Variants in OXNAD1 observed in about 807,000 individuals in gnomAD.
The protein encoded by OXNAD1 is oxidoreductase NAD binding domain containing 1.
In OXNAD1, 34 loss-of-function variants were observed where a neutral mutation model predicts 32.9. The observed-to-expected ratio is 1.03, with a 90% CI of 0.79 to 1.38. The LOEUF is 1.38. OXNAD1 is among the 40% of genes most tolerant of loss of function. The probability of loss-of-function intolerance (pLI) is 0.00; values close to 1 mark genes in which losing one functional copy is unlikely to be tolerated. For missense variants in OXNAD1, 407 were observed against 379.4 expected (o/e 1.07, Z -0.60); for synonymous variants, 134 against 135.2 (o/e 0.99, Z 0.06).
chr3:16,281,527 G>A (rs1469225942), intron 4 of OXNAD1, among the ~76,000 whole-genome samples: 1 of 152,132 alleles, frequency 6.6e-6, no homozygotes, highest in Non-Finnish European at 1.5e-5. Flanking sequence ...AAAAAAAATT[G>A]AAATCCTAAA....
rs1007303605 is a variant in OXNAD1 at position 16,289,869 on chromosome 3, T to C, written c.290+3421T>C. On this transcript the variant is annotated intron_variant, in intron 5 of 8. Transcript: ENST00000285083. The surrounding 1 kb of genome is among the most constrained non-coding windows in gnomAD (Gnocchi z 4.9). ...TTTTATCATTGCCCATTTAATTGTA[T>C]GTATTTGTTAATTTTCCTCCTCTTA... is the stretch of plus-strand genomic sequence containing the variant. Among the ~76,000 whole-genome samples the C allele has an allele frequency of 1.5e-4, 23 of 152,220 alleles. No homozygotes were observed. Among genetic ancestry groups the C allele is most frequent in the African/African-American group, 5.5e-4 (23 of 41,454 alleles).
chr3:16,337,389 A>G (rs556043343), downstream of OXNAD1: 5 of 152,326 alleles, frequency 3.3e-5, no homozygotes, highest in South Asian at 2.1e-4. This position sits in a 1 kb window ranked among gnomAD's most constrained non-coding sequence, Gnocchi z 5.0. Flanking sequence ...TATTATTACT[A>G]TTATTCTAAG....
At chr3:16,331,045 G>C (rs925109912) in intron 9 of OXNAD1, among the ~76,000 whole-genome samples, 1 of 152,202 alleles carries the variant, frequency 6.6e-6, no homozygotes, top group African/African-American at 2.4e-5. Context: ...AAAGGAATTT[G>C]ATTTCCCTTG....
chr3:16,269,355 G>T (rs1446667734), intron 2 of OXNAD1, 80 bp downstream of exon 2: 40 of 1,453,152 alleles, frequency 2.8e-5, no homozygotes, highest in Admixed American at 8.3e-5. Context: ...ACTACGTTTA[G>T]TGGTCTTGAA....
intron 9 of OXNAD1, chr3:16,313,474 G>A (rs1359343118): frequency 6.6e-6 from 1 of 152,080 alleles, no homozygotes; most frequent in Non-Finnish European, 1.5e-5. Context: ...GAGAAGCTGG[G>A]GAGTAGAGGA....
intron 4 of OXNAD1, chr3:16,276,610 C>G (rs193213715): frequency 6.2e-6 from 1 of 160,970 alleles, no homozygotes; most frequent in Admixed American, 6.6e-5. Flanking sequence ...TTTTTTTGTT[C>G]CTGGCGATTT....
intron 5 of OXNAD1, among the ~76,000 whole-genome samples, chr3:16,294,202 CTT>C (rs200164799): frequency 2.1e-5 from 3 of 144,170 alleles, no homozygotes; most frequent in Admixed American, 6.9e-5. Flanking sequence ...CTGAGCCTTT[CTT>C]TTTTTTTTTT....
At chr3:16,286,956 A>G (rs1485413486) in intron 5 of OXNAD1, among the ~76,000 whole-genome samples, 5 of 152,086 alleles carry the variant, frequency 3.3e-5, no homozygotes, top group African/African-American at 1.2e-4. Flanking sequence ...TATGTACCTT[A>G]TTTGGGTTGA....
Position 16,312,889 on chromosome 3 carries a change from T to TA in OXNAD1, c.*30+9297_*30+9298insA, listed in dbSNP as rs1264765315. 6.6e-6 allele frequency among the ~76,000 whole-genome samples: 1 copy of TA among 152,242 alleles called. No homozygotes were observed. The highest frequency in any genetic ancestry group is 6.5e-5 in the Admixed American group (1 of 15,284). ...CAGGCATTTGACTAATGTTTACCTT[T>TA]TTGTTACTTATAAACCATTGATAAA... On this transcript the variant is annotated intron_variant, in intron 9 of 9. Transcript: ENST00000435829. The surrounding 1 kb of genome is among the most constrained non-coding windows in gnomAD (Gnocchi z 4.7).
At chr3:16,318,115 G>T (rs1273522829) in intron 9 of OXNAD1, among the ~76,000 whole-genome samples, 1 of 152,114 alleles carries the variant, frequency 6.6e-6, no homozygotes, top group Admixed American at 6.6e-5. Flanking sequence ...CAGTAATAGA[G>T]TTGGGCAACA....
At position 16,304,418 on chromosome 3, in the gene OXNAD1, T is replaced by C. The variant is rs1263536037; in HGVS notation, c.*856T>C. ...TTATTTCACTCATTTGCCAGAATTGTTCTTGGCACCAGCAGCTCCTTAACA... is the reference window on the plus strand; with the variant it reads ...TTATTTCACTCATTTGCCAGAATTGCTCTTGGCACCAGCAGCTCCTTAACA... On this transcript the variant is annotated 3_prime_UTR_variant, in exon 9 of 9. Coordinates refer to ENST00000285083, the MANE Select transcript of OXNAD1 (RefSeq NM_138381.5). The surrounding 1 kb of genome is among the most constrained non-coding windows in gnomAD (Gnocchi z 4.6). 6.6e-6 allele frequency: 1 copy of C among 152,236 alleles called. No individual in the cohort carries two copies. Among genetic ancestry groups the C allele is most frequent in the African/African-American group, 2.4e-5 (1 of 41,450 alleles). The allele number at this position is 152,236 out of a possible 1,614,324, so 9.4% of individuals were successfully genotyped here. A position where few individuals can be genotyped will look rare whatever the true frequency, so the allele number is the denominator to read the frequency against.
Position 16,303,477 on chromosome 3 carries a change from C to A in OXNAD1, c.854C>A (p.Pro285Gln). 2 of 1,614,012 alleles carry A rather than the reference C, an allele frequency of 1.2e-6. No homozygotes were observed. The highest frequency in any genetic ancestry group is 1.7e-6 in the Non-Finnish European group (2 of 1,179,948). The change falls in exon 9 of 9, where the codon CCA becomes CAA. Residue 285 changes from proline to glutamine, a missense_variant. Physicochemically the swap from Pro to Gln is moderately conservative, Grantham distance 76 (BLOSUM62 -1). Transcript: ENST00000285083. The surrounding 1 kb of genome is among the most constrained non-coding windows in gnomAD (Gnocchi z 4.8). Reference protein sequence around the residue: ...SKETLFYICGPPPMTDFFSKQ... With the variant: ...SKETLFYICGQPPMTDFFSKQ... ...GAGACTTTGTTCTATATTTGTGGCC[C>A]ACCTCCAATGACAGACTTTTTCTCC...
At position 16,345,596 on chromosome 3, in the gene OXNAD1, C is replaced by T. The variant is rs535338162; in HGVS notation, c.*31-3580C>T. The stretch of plus-strand genomic sequence containing the variant: ...CACCGCCTGACTGCTTGAACAGGAA[C>T]GTCCATCTTCTGCCCTTGTTGCTCC... On this transcript the variant is annotated intron_variant, in intron 9 of 9. Coordinates refer to the OXNAD1 transcript ENST00000606098. This position sits in a 1 kb window ranked among gnomAD's most constrained non-coding sequence, Gnocchi z 5.2. 2.0e-5 allele frequency among the ~76,000 whole-genome samples: 3 copies of T among 152,182 alleles called. No individual in the cohort carries two copies. Among genetic ancestry groups the T allele is most frequent in the Non-Finnish European group, 4.4e-5 (3 of 67,992 alleles).
rs961745012 is a variant in OXNAD1, at chr3:16,288,837, A to G, written c.290+2389A>G. ...GCTTGGCACTCACTCTTGGGTCTGGAGCATGCCACCACTGGTCCTCACACA... is the reference window on the plus strand; with the variant it reads ...GCTTGGCACTCACTCTTGGGTCTGGGGCATGCCACCACTGGTCCTCACACA... On this transcript the variant is annotated intron_variant, in intron 5 of 8. Coordinates refer to ENST00000285083, the MANE Select transcript of OXNAD1 (RefSeq NM_138381.5). This position sits in a 1 kb window ranked among gnomAD's most constrained non-coding sequence, Gnocchi z 5.1. Among the ~76,000 whole-genome samples the G allele has an allele frequency of 6.6e-6, 1 of 152,120 alleles. No individual in the cohort carries two copies. Among genetic ancestry groups the G allele is most frequent in the African/African-American group, 2.4e-5 (1 of 41,416 alleles).
At chr3:16,281,639 T>C (rs1473665478) in intron 4 of OXNAD1, among the ~76,000 whole-genome samples, 2 of 152,234 alleles carry the variant, frequency 1.3e-5, no homozygotes, top group Non-Finnish European at 2.9e-5. Context: ...ATAGAAAGTA[T>C]AGCTTGTTTC....
chr3:16,319,638 T>TG (rs1401234885), intron 9 of OXNAD1, among the ~76,000 whole-genome samples: 4 of 152,212 alleles, frequency 2.6e-5, no homozygotes, highest in African/African-American at 9.6e-5. Context: ...CTTCCATAGT[T>TG]TCCCCTGGAT....
chr3:16,286,294 GT>G, intron 4 of OXNAD1, 47 bp from the exon 5 acceptor site: 1 of 1,416,616 alleles, frequency 7.1e-7, no homozygotes, highest in South Asian at 1.2e-5. Context: ...TTTGTCCCTT[GT>G]GCTGTGTACG....
At chr3:16,331,094 A>G (rs2070260730) in intron 9 of OXNAD1, among the ~76,000 whole-genome samples, 1 of 152,252 alleles carries the variant, frequency 6.6e-6, no homozygotes, top group Non-Finnish European at 1.5e-5. Context: ...GGTGTTCTCC[A>G]TACCTGAGAA....
At chr3:16,268,725 G>A (rs1415569699) in intron 1 of OXNAD1, among the ~76,000 whole-genome samples, 3 of 152,092 alleles carry the variant, frequency 2.0e-5, no homozygotes, top group Non-Finnish European at 4.4e-5. Flanking sequence ...CCTATTGTGA[G>A]GACAACTTAT....
Sources: gnomAD v4.1 joint callset for allele counts (sites outside exome capture counted in the v4.1 genomes callset) on GRCh38, gnomAD v4.1.1 for gene constraint, Gnocchi (gnomAD v3.1) non-coding constraint, MANE v1.5 for transcripts, NCBI Gene and HGNC (gene_info 2026-07-23, HGNC 2026-07-21) for gene names.